SLC35D1: variants seen among roughly 807,000 people sequenced by gnomAD.
SLC35D1 encodes nucleotide sugar transporter SLC35D1.
SLC35D1 carries 31 observed loss-of-function variants against 46.7 expected under a neutral mutation model. The observed-to-expected ratio is 0.66, with a 90% CI of 0.50 to 0.90. The LOEUF (loss-of-function observed/expected upper bound fraction) is 0.90. Ranked by LOEUF, SLC35D1 falls within the 40% of genes least tolerant of loss-of-function variation. The pLI, the probability that SLC35D1 is intolerant of heterozygous loss-of-function variation, is 0.00. For synonymous variants in SLC35D1, 195 were observed against 164.6 expected (o/e 1.18, Z -1.41); for missense variants, 397 against 426.2 (o/e 0.93, Z 0.60).
At chr1:67,017,351 T>G (rs761892588) in intron 10 of SLC35D1, among the ~76,000 whole-genome samples, 10 of 152,194 alleles carry the variant, frequency 6.6e-5, no homozygotes, top group Non-Finnish European at 1.2e-4. Context: ...TTATTGTTGT[T>G]ATTACTTCTC....
chr1:67,022,442 T>C (rs564862333), intron 8 of SLC35D1, among the ~76,000 whole-genome samples: 2 of 152,336 alleles, frequency 1.3e-5, no homozygotes, highest in African/African-American at 4.8e-5. Flanking sequence ...TGGAATGTCC[T>C]TCCCCTCAAC....
In SLC35D1 at chr1:67,042,989, G is replaced by A. The variant is rs185647574; in HGVS notation, c.637-661C>T. 2.7e-3 allele frequency among the ~76,000 whole-genome samples: 415 copies of A among 152,286 alleles called. 4 individuals carry two copies. The highest frequency in any genetic ancestry group is 9.7e-3 in the African/African-American group (402 of 41,570). On this transcript the variant is annotated intron_variant, in intron 7 of 11. Coordinates refer to ENST00000235345, the MANE Select transcript of SLC35D1 (RefSeq NM_015139.3). ...GAGGCAGGCAGATCACCTGAGGTCA[G>A]CAGTTCAAGACCAGCCTGGCCAACA...
chr1:67,004,138 CA>C lies in SLC35D1; in HGVS notation c.*201del, dbSNP rs1667397768. On this transcript the variant is annotated 3_prime_UTR_variant, in exon 12 of 12. Transcript: ENST00000235345. ...CCAGTCTGATATAAATTAATTCAAA[CA>C]ACATATTTAAAATAGAGTCAATTAT... 1.8e-6 allele frequency: 1 copy of C among 559,478 alleles called. No individual in the cohort carries two copies. Among genetic ancestry groups the C allele is most frequent in the Admixed American group, 2.9e-5 (1 of 34,024 alleles). 34.7% of individuals were successfully genotyped at this position (559,478 alleles called of 1,614,324 possible).
chr1:67,023,631 A>G (rs575381560), intron 8 of SLC35D1, among the ~76,000 whole-genome samples: 3 of 151,672 alleles, frequency 2.0e-5, no homozygotes, highest in Admixed American at 1.3e-4. Context: ...GATTACAGGC[A>G]CATGCCACCA....
At chr1:67,018,322 G>T (rs565369831) in intron 10 of SLC35D1, among the ~76,000 whole-genome samples, 8 of 152,156 alleles carry the variant, frequency 5.3e-5, no homozygotes, top group Admixed American at 3.3e-4. Context: ...CCAGGGAGGT[G>T]GATTAATTTA....
At chr1:66,974,248 T>C in the SLC35D1 span, among the ~76,000 whole-genome samples, 1 of 152,084 alleles carries the variant, frequency 6.6e-6, no homozygotes, top group Admixed American at 6.6e-5. Context: ...TAGAAGACAA[T>C]GTAATTAGTT....
chr1:67,020,081 T>A (rs1667766406), intron 10 of SLC35D1, among the ~76,000 whole-genome samples: 2 of 152,218 alleles, frequency 1.3e-5, no homozygotes, highest in Non-Finnish European at 2.9e-5. Flanking sequence ...ACTACCAAGC[T>A]ATTAATCTGC....
At chr1:67,006,487 C>G (rs1667449973) in intron 11 of SLC35D1, among the ~76,000 whole-genome samples, 1 of 152,170 alleles carries the variant, frequency 6.6e-6, no homozygotes, top group East Asian at 1.9e-4. Flanking sequence ...GCTTCGCCTT[C>G]CCACAACAGC....
At chr1:66,989,538 C>G in the SLC35D1 span, among the ~76,000 whole-genome samples, 1 of 152,220 alleles carries the variant, frequency 6.6e-6, no homozygotes, top group African/African-American at 2.4e-5. Context: ...TCATGGCTCA[C>G]TGCAGCCTTG....
chr1:67,043,657 T>G (rs911340429), intron 7 of SLC35D1, among the ~76,000 whole-genome samples: 2 of 152,186 alleles, frequency 1.3e-5, no homozygotes, highest in African/African-American at 4.8e-5. Context: ...CTCAGTGAAG[T>G]ATTTCCGAAA....
chr1:66,977,969 C>T, the SLC35D1 span, among the ~76,000 whole-genome samples: 12 of 152,050 alleles, frequency 7.9e-5, no homozygotes, highest in East Asian at 9.7e-4. Flanking sequence ...GAGGCTGAGG[C>T]GGGTGGATCA....
chr1:66,987,037 A>T, the SLC35D1 span: 1 of 152,180 alleles, frequency 6.6e-6, no homozygotes, highest in Non-Finnish European at 1.5e-5. Flanking sequence ...AATGTTTTAA[A>T]TACATTCTCA....
the SLC35D1 span, chr1:66,976,783 T>A: frequency 7.4e-7 from 1 of 1,346,434 alleles, no homozygotes; most frequent in Non-Finnish European, 9.9e-7. Flanking sequence ...TCTAGATTTT[T>A]CTTGAGTTAA....
chr1:66,974,242 A>C, the SLC35D1 span, among the ~76,000 whole-genome samples: 3 of 152,260 alleles, frequency 2.0e-5, no homozygotes, highest in African/African-American at 7.2e-5. Flanking sequence ...ATAACTTAGA[A>C]GACAATGTAA....
At chr1:67,053,730 A>C (rs1012947399) in intron 1 of SLC35D1, 81 bp downstream of exon 1, 2 of 1,286,814 alleles carry the variant, frequency 1.6e-6, no homozygotes, top group Admixed American at 3.9e-5. Context: ...TTTGGCAGTC[A>C]AAGTCCAGGG....
At chr1:67,010,492 A>G (rs1667541424) in intron 10 of SLC35D1, among the ~76,000 whole-genome samples, 1 of 152,204 alleles carries the variant, frequency 6.6e-6, no homozygotes, top group Non-Finnish European at 1.5e-5. Flanking sequence ...TGACACTCCC[A>G]GGTGCAAACA....
chr1:66,994,808 T>G (rs1438751631), downstream of SLC35D1, among the ~76,000 whole-genome samples: 1 of 151,804 alleles, frequency 6.6e-6, no homozygotes, highest in African/African-American at 2.4e-5. Flanking sequence ...GGCCTCAAGT[T>G]TTAATTAAGT....
At chr1:67,036,045 TG>T (rs1457652357) in intron 8 of SLC35D1, among the ~76,000 whole-genome samples, 2 of 152,284 alleles carry the variant, frequency 1.3e-5, no homozygotes, top group Admixed American at 6.5e-5. Context: ...TCAGAGAAGA[TG>T]CTGGATATTA....
the SLC35D1 span, among the ~76,000 whole-genome samples, chr1:66,988,894 C>G: frequency 1.3e-5 from 2 of 152,106 alleles, no homozygotes; most frequent in African/African-American, 4.8e-5. Flanking sequence ...AAGAAGGCAG[C>G]AAAGTGTTAA....
Sources: gnomAD v4.1 joint callset for allele counts (sites outside exome capture counted in the v4.1 genomes callset) on GRCh38, gnomAD v4.1.1 for gene constraint, MANE v1.5 for transcripts, NCBI Gene and HGNC (gene_info 2026-07-23, HGNC 2026-07-21) for gene names.